FCHSD2: variants seen among roughly 807,000 people sequenced by gnomAD.
FCHSD2 encodes F-BAR and double SH3 domains protein 2.
FCHSD2 carries 38 observed loss-of-function variants against 108.1 expected under a neutral mutation model. The ratio of observed to expected loss-of-function variants is 0.35; its 90% CI spans 0.27 to 0.46. FCHSD2 has a LOEUF of 0.46. Ranked by LOEUF, FCHSD2 falls within the 20% of genes least tolerant of loss-of-function variation. FCHSD2 has a pLI of 1.00. For missense variants in FCHSD2, 751 were observed against 897.8 expected, an observed-to-expected ratio of 0.84 and a Z score of 2.09; for synonymous variants, 279 against 314.7, an observed-to-expected ratio of 0.89 and a Z score of 1.20.
chr11:72,997,805 A>T (rs948985953), intron 5 of FCHSD2, among the ~76,000 whole-genome samples: 7 of 152,164 alleles, frequency 4.6e-5, no homozygotes, highest in African/African-American at 1.4e-4. Context: ...TGCTCAAGTG[A>T]TCCTCCTGCC....
chr11:72,911,317 TG>T (rs1232743323), intron 9 of FCHSD2, among the ~76,000 whole-genome samples: 1 of 152,326 alleles, frequency 6.6e-6, no homozygotes, highest in East Asian at 1.9e-4. Flanking sequence ...GATTTGATTC[TG>T]GGTTCTCTAT....
intron 8 of FCHSD2, among the ~76,000 whole-genome samples, chr11:72,930,196 C>A (rs552266600): frequency 1.8e-4 from 27 of 152,232 alleles, no homozygotes; most frequent in Non-Finnish European, 3.1e-4. Flanking sequence ...TCTCTGCAAG[C>A]CCGCTGCTGA....
chr11:73,108,306 T>C (rs1469151109), intron 2 of FCHSD2, among the ~76,000 whole-genome samples: 1 of 152,248 alleles, frequency 6.6e-6, no homozygotes, highest in Non-Finnish European at 1.5e-5. Flanking sequence ...TAGTTACTAA[T>C]CCCTGGTAAG....
At chr11:73,020,349 TC>T (rs1460911781) in intron 3 of FCHSD2, among the ~76,000 whole-genome samples, 2 of 152,328 alleles carry the variant, frequency 1.3e-5, no homozygotes, top group African/African-American at 4.8e-5. Context: ...ATCCATTTCA[TC>T]CCTCAGCATA....
At chr11:73,033,826 T>C (rs933779486) in intron 3 of FCHSD2, among the ~76,000 whole-genome samples, 5 of 152,214 alleles carry the variant, frequency 3.3e-5, no homozygotes, top group Non-Finnish European at 7.3e-5. Context: ...AAGTAGGTTT[T>C]TTCCCACATC....
At chr11:73,009,123 T>C (rs1857805226) in intron 4 of FCHSD2, among the ~76,000 whole-genome samples, 1 of 151,984 alleles carries the variant, frequency 6.6e-6, no homozygotes, top group Non-Finnish European at 1.5e-5. Flanking sequence ...ATGCTGCATG[T>C]ATCATCAGAT....
At chr11:72,980,979 T>C (rs1425066886) in intron 8 of FCHSD2, among the ~76,000 whole-genome samples, 2 of 152,116 alleles carry the variant, frequency 1.3e-5, no homozygotes, top group East Asian at 1.9e-4. Context: ...GAAAAATAGA[T>C]ATTTCCTTAA....
intron 4 of FCHSD2, among the ~76,000 whole-genome samples, chr11:73,008,883 C>T (rs1054956456): frequency 2.0e-5 from 3 of 151,700 alleles, no homozygotes; most frequent in Non-Finnish European, 2.9e-5. Context: ...TTTTTGTTTC[C>T]CAAGTTGAAA....
chr11:72,980,211 G>A (rs1857186520), intron 8 of FCHSD2, among the ~76,000 whole-genome samples: 1 of 152,126 alleles, frequency 6.6e-6, no homozygotes, highest in Admixed American at 6.5e-5. Flanking sequence ...GTTTGAAGAG[G>A]GGGGAAAAGT....
At chr11:73,025,792 T>C (rs1858214342) in intron 3 of FCHSD2, among the ~76,000 whole-genome samples, 1 of 152,304 alleles carries the variant, frequency 6.6e-6, no homozygotes, top group Middle Eastern at 3.4e-3. Context: ...TAAAGCTATA[T>C]AGTATTTCAG....
In FCHSD2 at chr11:72,840,906, G is replaced by A; in HGVS notation, c.2110C>T (p.Pro704Ser). 3.1e-6 allele frequency: 5 copies of A among 1,613,182 alleles called. No individual in the cohort carries two copies. The highest frequency in any genetic ancestry group is 4.2e-6 in the Non-Finnish European group (5 of 1,179,186). Reference protein sequence around the residue: ...PGFSQASRHTPETSYGKLRPV... With the variant: ...PGFSQASRHTSETSYGKLRPV... ...CGCAGTTTGCCATATGAGGTCTCAGGAGTATGCCTTGATGCCTGTGAGAAT... is the reference window on the plus strand; with the variant it reads ...CGCAGTTTGCCATATGAGGTCTCAGAAGTATGCCTTGATGCCTGTGAGAAT... The change falls in exon 19 of 20, where the codon CCT becomes TCT. Residue 704 changes from proline to serine, a missense_variant. Pro to Ser is a moderately conservative substitution (Grantham distance 74). Transcript: ENST00000409418.
intron 9 of FCHSD2, among the ~76,000 whole-genome samples, chr11:72,916,700 A>G (rs771347496): frequency 6.6e-6 from 1 of 152,176 alleles, no homozygotes; most frequent in Non-Finnish European, 1.5e-5. Context: ...CTTTTATCAG[A>G]TATGTGATGT....
At chr11:72,941,047 ATTGGTGGTTCTT>A in intron 8 of FCHSD2, 1 of 688,890 alleles carries the variant, frequency 1.5e-6, no homozygotes, top group East Asian at 2.5e-5. Flanking sequence ...CCACCATGCT[ATTGGTGGTTCTT>A]GCCGGGCAGC....
intron 10 of FCHSD2, among the ~76,000 whole-genome samples, chr11:72,890,437 G>A (rs1855290787): frequency 1.3e-5 from 2 of 152,088 alleles, no homozygotes; most frequent in African/African-American, 4.8e-5. Context: ...CAAGGCAGAC[G>A]GAACTCTTTA....
chr11:73,013,882 G>A (rs1379552195), intron 4 of FCHSD2, among the ~76,000 whole-genome samples: 1 of 152,070 alleles, frequency 6.6e-6, no homozygotes, highest in East Asian at 1.9e-4. Context: ...TAAAGCACTG[G>A]GATTGCAGGC....
At chr11:72,879,150 A>G (rs574519084) in intron 12 of FCHSD2, among the ~76,000 whole-genome samples, 1 of 152,230 alleles carries the variant, frequency 6.6e-6, no homozygotes, top group South Asian at 2.1e-4. Flanking sequence ...AAAAGATATT[A>G]CAACTCTATC....
chr11:72,889,636 C>T (rs933741150), intron 11 of FCHSD2, among the ~76,000 whole-genome samples, 193 bp downstream of exon 11: 2 of 152,000 alleles, frequency 1.3e-5, no homozygotes, highest in Non-Finnish European at 1.5e-5. Flanking sequence ...CTGCTTCAGC[C>T]CAGGAGGTTG....
Position 72,851,691 on chromosome 11 carries a change from C to T in FCHSD2, c.1309-1802G>A, listed in dbSNP as rs1052753640. On this transcript the variant is annotated intron_variant, in intron 13 of 19. Coordinates refer to ENST00000409418, the MANE Select transcript of FCHSD2 (RefSeq NM_014824.3). ...CTGGGAGGCAGAGGTTGCAGTGAGC[C>T]GAGATTGTGCCACTGCACTCCGGCC... Among the ~76,000 whole-genome samples the T allele has an allele frequency of 5.9e-5, 9 of 151,816 alleles. No homozygotes were observed. The South Asian group carries it at 1.5e-3, about 24-fold the overall frequency.
intron 8 of FCHSD2, among the ~76,000 whole-genome samples, chr11:72,927,248 A>C (rs982787823): frequency 2.0e-5 from 3 of 152,236 alleles, no homozygotes; most frequent in African/African-American, 4.8e-5. Flanking sequence ...ATCACTTCAG[A>C]GCTTATAAAA....
Sources: allele counts gnomAD v4.1 joint callset (sites outside exome capture counted in the v4.1 genomes callset), GRCh38; gene constraint gnomAD v4.1.1; transcripts MANE v1.5; gene names NCBI Gene and HGNC (gene_info 2026-07-23, HGNC 2026-07-21).